Variants in RIMS1 observed in about 807,000 individuals in gnomAD.
The protein encoded by RIMS1 is regulating synaptic membrane exocytosis protein 1.
In RIMS1, 83 loss-of-function variants were observed where a neutral mutation model predicts 214.1. The observed-to-expected ratio is 0.39, with a 90% CI of 0.32 to 0.47. The LOEUF is 0.47. Ranked by LOEUF, RIMS1 falls within the 20% of genes least tolerant of loss-of-function variation. The pLI, the probability that RIMS1 is intolerant of heterozygous loss-of-function variation, is 0.99. For missense variants in RIMS1, 2,050 were observed against 2,161.8 expected (o/e 0.95, Z 1.03); for synonymous variants, 793 against 786.8 (o/e 1.01, Z -0.13).
At chr6:72,227,179 A>G (rs913733520) in intron 6 of RIMS1, among the ~76,000 whole-genome samples, 9 of 152,056 alleles carry the variant, frequency 5.9e-5, no homozygotes, top group East Asian at 1.9e-4. Context: ...AAATTAAAAC[A>G]TAATGAAGTT....
chr6:72,051,086 C>T (rs541071301), intron 2 of RIMS1, among the ~76,000 whole-genome samples: 11 of 152,162 alleles, frequency 7.2e-5, no homozygotes, highest in Admixed American at 2.6e-4. Context: ...AGAGAGTTGC[C>T]GCTATGTCAA....
At chr6:72,260,990 A>G (rs1021526750) in intron 19 of RIMS1, 3 of 1,326,288 alleles carry the variant, frequency 2.3e-6, no homozygotes, top group Non-Finnish European at 1.9e-6. Flanking sequence ...TCAAAAATCC[A>G]GAGACTAGTG....
At chr6:72,345,299 TG>T (rs528214446) in intron 29 of RIMS1, among the ~76,000 whole-genome samples, 1,744 of 151,868 alleles carry the variant, frequency 0.011, 32 homozygotes, top group African/African-American at 0.039. Context: ...AGTGTGAAAA[TG>T]ATAGTTTATT....
chr6:72,047,983 T>C (rs970303784), intron 2 of RIMS1, among the ~76,000 whole-genome samples: 3 of 152,220 alleles, frequency 2.0e-5, no homozygotes, highest in African/African-American at 4.8e-5. Context: ...AAACAACTTA[T>C]ACATTCAAAA....
chr6:72,232,342 C>A (rs1013340103), intron 6 of RIMS1, among the ~76,000 whole-genome samples: 1 of 151,506 alleles, frequency 6.6e-6, no homozygotes, highest in African/African-American at 2.4e-5. Context: ...TCTTTCAGAA[C>A]AAGCTGTCAT....
At chr6:72,389,198 A>G (rs1255395107) in intron 29 of RIMS1, among the ~76,000 whole-genome samples, 1 of 152,246 alleles carries the variant, frequency 6.6e-6, no homozygotes, top group Admixed American at 6.5e-5. Flanking sequence ...GGATCACAGT[A>G]GCCAAGTGAA....
At chr6:72,011,370 A>C (rs1029627079) in intron 2 of RIMS1, among the ~76,000 whole-genome samples, 1 of 152,250 alleles carries the variant, frequency 6.6e-6, no homozygotes, top group African/African-American at 2.4e-5. Flanking sequence ...TAAAACCATA[A>C]AAACTCGAGA....
chr6:72,340,416 A>T (rs1237714675), intron 29 of RIMS1, among the ~76,000 whole-genome samples: 1 of 151,932 alleles, frequency 6.6e-6, no homozygotes, highest in Admixed American at 6.6e-5. Context: ...TTATGGTTTT[A>T]GGTCTAACAT....
chr6:72,208,065 T>C (rs2053226167), intron 6 of RIMS1, among the ~76,000 whole-genome samples: 1 of 152,196 alleles, frequency 6.6e-6, no homozygotes, highest in South Asian at 2.1e-4. Context: ...TTTTAACCTC[T>C]TTTTTAACCT....
intron 27 of RIMS1, among the ~76,000 whole-genome samples, chr6:72,312,418 A>G (rs895189348): frequency 4.6e-5 from 7 of 151,890 alleles, no homozygotes; most frequent in African/African-American, 1.7e-4. Flanking sequence ...TTACAATTAT[A>G]ACATATATAA....
chr6:72,325,314 G>A (rs1462375441), intron 28 of RIMS1, among the ~76,000 whole-genome samples: 12 of 151,588 alleles, frequency 7.9e-5, no homozygotes, highest in Non-Finnish European at 1.6e-4. Context: ...TGAATTCATA[G>A]ATCATTATTT....
intron 1 of RIMS1, among the ~76,000 whole-genome samples, chr6:71,909,537 G>T (rs994501148): frequency 6.6e-6 from 1 of 151,974 alleles, no homozygotes. Context: ...ACCCTCTAGG[G>T]TCTCTGAGTT....
At chr6:71,915,306 C>A (rs1778032274) in intron 1 of RIMS1, among the ~76,000 whole-genome samples, 1 of 152,140 alleles carries the variant, frequency 6.6e-6, no homozygotes, top group Non-Finnish European at 1.5e-5. Context: ...TTTATCTCCA[C>A]TTTCCAACTA....
At chr6:72,152,384 C>T (rs934192905) in intron 4 of RIMS1, among the ~76,000 whole-genome samples, 2 of 152,130 alleles carry the variant, frequency 1.3e-5, no homozygotes, top group Non-Finnish European at 2.9e-5. Flanking sequence ...TGTCTAAGAT[C>T]ACAATTGGTT....
intron 19 of RIMS1, chr6:72,262,439 G>C (rs1333345634): frequency 1.0e-6 from 1 of 984,940 alleles, no homozygotes; most frequent in African/African-American, 1.7e-5. Flanking sequence ...CAGGTACTAC[G>C]ACAATAAGAT....
intron 26 of RIMS1, among the ~76,000 whole-genome samples, chr6:72,293,109 G>C (rs185855825): frequency 3.9e-5 from 6 of 152,054 alleles, no homozygotes; most frequent in African/African-American, 1.4e-4. Flanking sequence ...CAGAATACTT[G>C]ATTATGGAAA....
At chr6:72,027,565 C>T (rs1458007587) in intron 2 of RIMS1, among the ~76,000 whole-genome samples, 1 of 152,032 alleles carries the variant, frequency 6.6e-6, no homozygotes, top group African/African-American at 2.4e-5. Flanking sequence ...ATCTCCCTAT[C>T]AAGTTCTTGG....
intron 11 of RIMS1, 40 bp downstream of exon 11, chr6:72,245,901 C>T: frequency 2.2e-6 from 3 of 1,380,818 alleles, no homozygotes; most frequent in Non-Finnish European, 3.1e-6. Context: ...AAGTATTGAA[C>T]TAATTGAAAG....
chr6:72,208,417 G>A (rs1184105820), intron 6 of RIMS1, among the ~76,000 whole-genome samples: 1 of 152,136 alleles, frequency 6.6e-6, no homozygotes, highest in African/African-American at 2.4e-5. Context: ...ATTCCCGTAA[G>A]ATCAATTATT....
Sources: allele counts gnomAD v4.1 joint callset (sites outside exome capture counted in the v4.1 genomes callset), GRCh38; gene constraint gnomAD v4.1.1; transcripts MANE v1.5; gene names NCBI Gene and HGNC (gene_info 2026-07-23, HGNC 2026-07-21).